The following ATP6V1D variants were observed in gnomAD, a reference collection of about 807,000 sequenced individuals.
ATP6V1D encodes ATPase H+ transporting V1 subunit D, also known as V-type proton ATPase subunit D.
Under a neutral mutation model 39.4 loss-of-function variants are expected in ATP6V1D, and 20 were observed. The ratio of observed to expected loss-of-function variants is 0.51; its 90% confidence interval spans 0.36 to 0.74. The LOEUF is 0.74. Among genes scored for constraint, ATP6V1D ranks in the 30% least tolerant of loss-of-function variants. The pLI is 0.00. For missense variants in ATP6V1D, 228 were observed against 291.6 expected (o/e 0.78, Z 1.59); for synonymous variants, 100 against 100.5 (o/e 0.99, Z 0.03).
intron 1 of ATP6V1D, chr14:67,353,698 C>G (rs985573098): frequency 2.0e-5 from 3 of 152,238 alleles, no homozygotes; most frequent in African/African-American, 7.3e-5. Flanking sequence ...ACCATACTGA[C>G]CAGGCTCATC....
At chr14:67,343,631 G>A (rs1204310864) in intron 6 of ATP6V1D, among the ~76,000 whole-genome samples, 193 bp from the exon 7 acceptor site, 2 of 152,232 alleles carry the variant, frequency 1.3e-5, no homozygotes, top group Non-Finnish European at 2.9e-5. Flanking sequence ...TTGGGAGGCT[G>A]AGGTGGGAGA....
rs144864069 is a variant in ATP6V1D, at chr14:67,342,213, TAAA to T, written c.523+1156_523+1158del. On this transcript the variant is annotated intron_variant, in intron 7 of 8. Transcript: ENST00000216442. Reference sequence around the variant, plus strand: ...ATAAATAAATAAATAAATAAATAAATAAAATAAAATAAAAAAAAACACAAAGAA... The same window carrying T: ...ATAAATAAATAAATAAATAAATAAATATAAAATAAAAAAAAACACAAAGAA... 4.9e-3 allele frequency among the ~76,000 whole-genome samples: 583 copies of T among 119,850 alleles called. 7 individuals are homozygous for T. Among genetic ancestry groups the T allele is most frequent in the African/African-American group, 0.018 (552 of 30,722 alleles). 78.6% of individuals were successfully genotyped at this position (119,850 alleles called of 152,430 possible).
At chr14:67,348,895 T>C (rs1384498936) in intron 4 of ATP6V1D, 142 bp downstream of exon 4, 1 of 775,186 alleles carries the variant, frequency 1.3e-6, no homozygotes, top group South Asian at 1.9e-5. Context: ...TGGTTGTTAA[T>C]GATTTTAACA....
intron 6 of ATP6V1D, among the ~76,000 whole-genome samples, chr14:67,345,477 C>T (rs537876877): frequency 3.9e-5 from 6 of 152,132 alleles, no homozygotes; most frequent in Admixed American, 1.3e-4. Context: ...ATCACTTGAA[C>T]CCAGGAGGCA....
In ATP6V1D at chr14:67,349,049, C is replaced by T; in HGVS notation, c.295G>A (p.Asp99Asn). 2 of 1,614,062 alleles carry T rather than the reference C, an allele frequency of 1.2e-6. No homozygotes were observed. The highest frequency in any genetic ancestry group is 1.7e-6 in the Non-Finnish European group (2 of 1,179,946). ...KAQVKIRAKK[D>N]NVAGVTLPVF... Reference sequence around the variant, plus strand: ...GTTGAAACGTTACCTGCTACATTATCTTTCTTCGCTCGAATCTTCACTTGC... The same window carrying T: ...GTTGAAACGTTACCTGCTACATTATTTTTCTTCGCTCGAATCTTCACTTGC... The change falls in exon 4 of 9, where the codon GAT becomes AAT. Residue 99 changes from aspartate to asparagine, a missense_variant. By Grantham distance (23) the Asp-to-Asn change is conservative. Around this residue, in one of 3 missense-constraint regions of ATP6V1D, gnomAD observed 104 missense variants for 120.2 expected, o/e 0.87. Coordinates refer to ENST00000216442, the MANE Select transcript of ATP6V1D (RefSeq NM_015994.4).
chr14:67,347,579 G>T, intron 4 of ATP6V1D, 126 bp from the exon 5 acceptor site: 1 of 724,870 alleles, frequency 1.4e-6, no homozygotes, highest in Non-Finnish European at 2.3e-6. Context: ...TCGCCTCACC[G>T]CAACCTCTGC....
chr14:67,339,486 C>G (rs2085563821), intron 8 of ATP6V1D, among the ~76,000 whole-genome samples: 1 of 152,204 alleles, frequency 6.6e-6, no homozygotes, highest in South Asian at 2.1e-4. Flanking sequence ...CCCCCCATGC[C>G]TTTCCTAAAT....
chr14:67,353,501 T>G (rs936755962), intron 1 of ATP6V1D, among the ~76,000 whole-genome samples: 3 of 152,042 alleles, frequency 2.0e-5, no homozygotes, highest in African/African-American at 4.8e-5. Context: ...GTTGTTGTTG[T>G]TTTTGAGATG....
chr14:67,341,204 G>A (rs904891260), intron 7 of ATP6V1D, among the ~76,000 whole-genome samples: 1 of 152,106 alleles, frequency 6.6e-6, no homozygotes, highest in Non-Finnish European at 1.5e-5. Context: ...TCTGTGACTG[G>A]CCGCCATCCC....
At position 67,340,501 on chromosome 14, in the gene ATP6V1D, C is replaced by T; in HGVS notation, c.541G>A (p.Glu181Lys). The T allele has an allele frequency of 1.2e-6, 2 of 1,608,922 alleles. No individual in the cohort carries two copies. Among genetic ancestry groups the T allele is most frequent in the East Asian group, 2.2e-5 (1 of 44,698 alleles). The change falls in exon 8 of 9, where the codon GAA becomes AAA. Residue 181 changes from glutamate (E) to lysine (K), a missense_variant. Glu to Lys is a moderately conservative substitution (Grantham distance 56, BLOSUM62 1). Around this residue, in one of 3 missense-constraint regions of ATP6V1D, gnomAD observed 114 missense variants for 128.3 expected, o/e 0.89. Transcript: ENST00000216442. ...GTGATGATATAAGCAAGAGTACGTT[C>T]AATCCGGGGAATGATGACTAGAATA... Reference protein sequence around the residue: ...AIEHVIIPRIERTLAYIITEL... With the variant: ...AIEHVIIPRIKRTLAYIITEL...
chr14:67,340,346 T>C (rs2085569957), intron 8 of ATP6V1D, 94 bp downstream of exon 8: 1 of 1,046,576 alleles, frequency 9.6e-7, no homozygotes, highest in Admixed American at 1.9e-5. Flanking sequence ...GCTGTGCTAA[T>C]TCTAAAGAAC....
chr14:67,357,516 T>G (rs569649155), intron 1 of ATP6V1D, among the ~76,000 whole-genome samples: 16 of 152,336 alleles, frequency 1.1e-4, no homozygotes, highest in African/African-American at 3.8e-4. Context: ...AGCCTATCAT[T>G]TTCTTACCTA....
rs918318353 is a variant in ATP6V1D, at chr14:67,348,963, G to T, written c.307+74C>A. 1.7e-4 allele frequency: 236 copies of T among 1,363,390 alleles called. 2 individuals carry two copies. The Middle Eastern group carries it at 3.4e-3, about 20-fold the overall frequency. The allele number at this position is 1,363,390 out of a possible 1,614,324, so 84.5% of individuals were successfully genotyped here. On this transcript the variant is annotated intron_variant, in intron 4 of 8. Transcript: ENST00000216442. ...GAAGAAACTAGGACATTAAGATCTT[G>T]CTGTATAAACAGGTTAATTTTAAAA...
chr14:67,359,650 T>C lies in ATP6V1D; in HGVS notation c.41+8A>G, dbSNP rs1488312148. On this transcript the variant is annotated splice_region_variant and intron_variant, in intron 1 of 8. Transcript: ENST00000216442. ...TGTGAAAGCGGCTTATCCCATTCCT[T>C]TACTTACATTCGCGAGGGAAAGATT... is the stretch of plus-strand genomic sequence containing the variant. The C allele has an allele frequency of 6.2e-7, 1 of 1,614,020 alleles. No homozygotes were observed. Among genetic ancestry groups the C allele is most frequent in the South Asian group, 1.1e-5 (1 of 91,072 alleles).
intron 3 of ATP6V1D, 47 bp downstream of exon 3, chr14:67,350,564 T>G: frequency 2.0e-6 from 3 of 1,503,224 alleles, no homozygotes; most frequent in Non-Finnish European, 2.8e-6. Context: ...ATTATGAGAC[T>G]GAAATCACTT....
intron 7 of ATP6V1D, among the ~76,000 whole-genome samples, chr14:67,341,233 G>A (rs1009367512): frequency 4.0e-5 from 6 of 150,962 alleles, no homozygotes; most frequent in South Asian, 2.1e-4. Context: ...AGTGAGGAGC[G>A]TCTCTGCCCG....
At chr14:67,351,701 T>C (rs2085654757) in intron 2 of ATP6V1D, among the ~76,000 whole-genome samples, 1 of 152,038 alleles carries the variant, frequency 6.6e-6, no homozygotes, top group African/African-American at 2.4e-5. Context: ...TCTTCTTTTT[T>C]GTAGAGACAA....
At chr14:67,342,232 A>C (rs2085590601) in intron 7 of ATP6V1D, among the ~76,000 whole-genome samples, 2 of 151,072 alleles carry the variant, frequency 1.3e-5, no homozygotes, top group Non-Finnish European at 2.9e-5. Flanking sequence ...ATAAAAAAAA[A>C]CACAAAGAAA....
chr14:67,338,544 A>G lies in ATP6V1D; in HGVS notation c.*77T>C, dbSNP rs1171375583. ...TTCTTAGGCCAAAAAATAAATAGCC[A>G]CACAAATCAAACCTACACACTGTGA... On this transcript the variant is annotated 3_prime_UTR_variant, in exon 9 of 9. Transcript: ENST00000216442. 1 of 1,420,940 alleles carries G rather than the reference A, an allele frequency of 7.0e-7. No individual in the cohort carries two copies. The highest frequency in any genetic ancestry group is 9.4e-7 in the Non-Finnish European group (1 of 1,068,194). The allele number at this position is 1,420,940 out of a possible 1,614,324, so 88.0% of individuals were successfully genotyped here.
Sources: gnomAD v4.1 joint callset for allele counts (sites outside exome capture counted in the v4.1 genomes callset) on GRCh38, gnomAD v4.1.1 for gene constraint, gnomAD v4.1.1 regional missense constraint, MANE v1.5 for transcripts, NCBI Gene and HGNC (gene_info 2026-07-23, HGNC 2026-07-21) for gene names.